ANKRD36B: variants seen among roughly 807,000 people sequenced by gnomAD.
ANKRD36B encodes ankyrin repeat domain-containing protein 36B.
ANKRD36B carries 37 observed loss-of-function variants against 135.7 expected under a neutral mutation model. That is an observed-to-expected ratio of 0.27 (90% CI 0.21 to 0.36). ANKRD36B has a LOEUF of 0.36. Among genes scored for constraint, ANKRD36B ranks in the 10% least tolerant of loss-of-function variants. The pLI, the probability that ANKRD36B is intolerant of heterozygous loss-of-function variation, is 1.00. For synonymous variants in ANKRD36B, 179 were observed against 348.1 expected, an observed-to-expected ratio of 0.51 and a Z score of 5.41; for missense variants, 549 against 1,037.1, an observed-to-expected ratio of 0.53 and a Z score of 6.46.
chr2:97,553,283 G>A (rs766757883), intron 15 of ANKRD36B, 43 bp from the exon 16 acceptor site: 17 of 1,598,108 alleles, frequency 1.1e-5, no homozygotes, highest in Admixed American at 8.5e-5. Context: ...ATAAATAAAT[G>A]AAGTATGTTT....
In ANKRD36B at chr2:97,538,158, G is replaced by T. The variant is rs777261758; in HGVS notation, c.2089+10C>A. The stretch of plus-strand genomic sequence containing the variant: ...GTGCACATGACATTAAATGTATATT[G>T]CCAAATTACCTGTTCCAGATTTCCC... On this transcript the variant is annotated intron_variant, in intron 32 of 43. Transcript: ENST00000359901. The T allele has an allele frequency of 8.0e-6, 8 of 995,942 alleles. No individual in the cohort carries two copies. In the South Asian group the frequency reaches 9.8e-5, roughly 12 times the overall value. 61.7% of individuals were successfully genotyped at this position (995,942 alleles called of 1,614,324 possible). A position where few individuals can be genotyped will look rare whatever the true frequency, so the allele number is the denominator to read the frequency against.
chr2:97,571,782 T>A (rs2081895181), intron 6 of ANKRD36B, among the ~76,000 whole-genome samples: 1 of 152,240 alleles, frequency 6.6e-6, no homozygotes, highest in African/African-American at 2.4e-5. Flanking sequence ...TTGTTTCTAA[T>A]CTTTTTTCTT....
chr2:97,552,675 C>G (rs977652056), intron 16 of ANKRD36B, among the ~76,000 whole-genome samples: 1 of 151,880 alleles, frequency 6.6e-6, no homozygotes, highest in Non-Finnish European at 1.5e-5. Context: ...AACTTCTCTT[C>G]CCTCCTTCCT....
chr2:97,531,240 G>C (rs1449650485), intron 35 of ANKRD36B, among the ~76,000 whole-genome samples: 1 of 89,634 alleles, frequency 1.1e-5, no homozygotes, highest in Non-Finnish European at 3.0e-5. Context: ...AAAATGATGA[G>C]TTCATGTCCT....
At chr2:97,553,869 T>C (rs868283558) in intron 14 of ANKRD36B, among the ~76,000 whole-genome samples, 76 of 152,100 alleles carry the variant, frequency 5.0e-4, no homozygotes, top group African/African-American at 1.8e-3. Flanking sequence ...ACGTCATGTC[T>C]CTGTCTCTTC....
intron 18 of ANKRD36B, among the ~76,000 whole-genome samples, chr2:97,549,943 T>C (rs1402120600): frequency 1.3e-5 from 2 of 151,984 alleles, no homozygotes; most frequent in African/African-American, 4.8e-5. Context: ...CTCACACTCC[T>C]GAGAATCAAT....
At chr2:97,535,496 C>A (rs1267076143) in intron 34 of ANKRD36B, among the ~76,000 whole-genome samples, 2 of 119,546 alleles carry the variant, frequency 1.7e-5, no homozygotes, top group African/African-American at 2.5e-5. Flanking sequence ...AACACACACA[C>A]ACACACACAC....
chr2:97,547,963 T>C (rs13423897), intron 20 of ANKRD36B, among the ~76,000 whole-genome samples: 9,155 of 151,824 alleles, frequency 0.06, 683 homozygotes, highest in African/African-American at 0.17. Flanking sequence ...ATTTGTTATA[T>C]GCCAAAAACT....
At chr2:97,575,640 C>CT (rs2082177912) in intron 6 of ANKRD36B, among the ~76,000 whole-genome samples, 1 of 91,516 alleles carries the variant, frequency 1.1e-5, no homozygotes, top group African/African-American at 3.2e-5. Flanking sequence ...ATGGTTTTCA[C>CT]AGGAAAAGAT....
At chr2:97,544,434 G>A (rs1188254033) in intron 24 of ANKRD36B, among the ~76,000 whole-genome samples, 2 of 94,726 alleles carry the variant, frequency 2.1e-5, no homozygotes, top group African/African-American at 6.3e-5. Context: ...CAATAACTGA[G>A]AAGGCACACA....
intron 20 of ANKRD36B, among the ~76,000 whole-genome samples, chr2:97,548,044 A>G (rs1000019310): frequency 1.3e-5 from 2 of 151,908 alleles, no homozygotes; most frequent in South Asian, 4.1e-4. Flanking sequence ...AAATCAGAGG[A>G]GAAACTCATA....
rs113581058 is a variant in ANKRD36B, at chr2:97,526,171, A to AT, written c.2266-2705_2266-2704insA. On this transcript the variant is annotated intron_variant, in intron 35 of 43. Coordinates refer to ENST00000359901, the MANE Select transcript of ANKRD36B (RefSeq NM_001393939.1). ...GGCACCCCCCAGTAGGGGCAGACTG[A>AT]ACCTCACATGGCTGGGTACTCCTCT... Among the ~76,000 whole-genome samples, 34 of 95,508 alleles carry AT rather than the reference A, an allele frequency of 3.6e-4. 2 individuals carry two copies. Among genetic ancestry groups the AT allele is most frequent in the African/African-American group, 1.1e-3 (34 of 31,546 alleles). 62.7% of individuals were successfully genotyped at this position (95,508 alleles called of 152,430 possible).
At chr2:97,549,028 A>G (rs1559159215) in intron 20 of ANKRD36B, among the ~76,000 whole-genome samples, 1 of 151,866 alleles carries the variant, frequency 6.6e-6, no homozygotes, top group Non-Finnish European at 1.5e-5. Flanking sequence ...TATTACAACA[A>G]GTTTGCTGTC....
chr2:97,551,554 T>A, intron 16 of ANKRD36B, 74 bp from the exon 17 acceptor site: 1 of 1,597,012 alleles, frequency 6.3e-7, no homozygotes, highest in Non-Finnish European at 8.5e-7. Context: ...ATGCAGTGTT[T>A]GTATCAACCT....
At chr2:97,586,420 AATAAAAGATCCAACTGGGATTCAGTCCT>A (rs2083001511) in intron 1 of ANKRD36B, among the ~76,000 whole-genome samples, 12 of 142,616 alleles carry the variant, frequency 8.4e-5, no homozygotes, top group Non-Finnish European at 1.6e-4. Flanking sequence ...AAAAAAAAGG[AATAAAAGATCCAACTGGGATTCAGTCCT>A]AATGCTTCCA....
intron 8 of ANKRD36B, 43 bp downstream of exon 8, chr2:97,560,622 T>C (rs745703584): frequency 3.1e-6 from 5 of 1,596,660 alleles, no homozygotes; most frequent in East Asian, 2.2e-5. Context: ...ATTTCTCTTC[T>C]ATCTTGATTG....
At chr2:97,546,459 T>C (rs1041947831) in intron 22 of ANKRD36B, among the ~76,000 whole-genome samples, 1 of 151,730 alleles carries the variant, frequency 6.6e-6, no homozygotes, top group Non-Finnish European at 1.5e-5. Context: ...GGTGCAATAA[T>C]TTGCCTAAGT....
Position 97,589,654 on chromosome 2 carries a change from A to G in ANKRD36B, c.32T>C (p.Phe11Ser), listed in dbSNP as rs2083283839. ...ATACGGTTTAATGTAGTAATGGGGA[A>G]ATGCGAAGCCATCCGAGCACAAGCG... is the stretch of plus-strand genomic sequence containing the variant. MERLCSDGFA[F>S]PHYYIKPYHL... Residue 11 changes from phenylalanine to serine, a missense_variant, in exon 1 of 44, where the codon TTT becomes TCT. Coordinates refer to ENST00000359901, the MANE Select transcript of ANKRD36B (RefSeq NM_001393939.1). The G allele has an allele frequency of 6.2e-7, 1 of 1,614,060 alleles. No individual in the cohort carries two copies. The highest frequency in any genetic ancestry group is 1.3e-5 in the African/African-American group (1 of 74,918).
intron 6 of ANKRD36B, among the ~76,000 whole-genome samples, chr2:97,572,117 A>C (rs1307359056): frequency 1.3e-5 from 2 of 152,146 alleles, no homozygotes; most frequent in African/African-American, 2.4e-5. Context: ...TTAAAAAATA[A>C]AAAATAAAAA....
Sources: gnomAD v4.1 joint callset for allele counts (sites outside exome capture counted in the v4.1 genomes callset) on GRCh38, gnomAD v4.1.1 for gene constraint, MANE v1.5 for transcripts, NCBI Gene and HGNC (gene_info 2026-07-23, HGNC 2026-07-21) for gene names.